Variants in HGF observed in about 807,000 individuals in gnomAD.
HGF encodes the protein hepatocyte growth factor, also known as fibroblast-derived tumor cytotoxic factor.
A neutral mutation model predicts 111.6 loss-of-function variants in HGF; 39 were observed. That is an observed-to-expected ratio of 0.35 (90% CI 0.27 to 0.46). The LOEUF (loss-of-function observed/expected upper bound fraction) is 0.46. HGF is among the 20% of genes least tolerant of loss of function. HGF has a pLI of 1.00. For synonymous variants in HGF, 285 were observed against 294.8 expected, an observed-to-expected ratio of 0.97 and a Z score of 0.34; for missense variants, 735 against 910.5, an observed-to-expected ratio of 0.81 and a Z score of 2.48.
intron 17 of HGF, 129 bp downstream of exon 17, chr7:81,705,261 C>T: frequency 1.2e-6 from 1 of 856,632 alleles, no homozygotes; most frequent in Non-Finnish European, 1.9e-6. Flanking sequence ...AGTTAATTTT[C>T]CCAATTCCTC....
chr7:81,750,407 C>T (rs1373349639), intron 5 of HGF, among the ~76,000 whole-genome samples: 4 of 151,706 alleles, frequency 2.6e-5, no homozygotes, highest in African/African-American at 9.7e-5. Flanking sequence ...TTTGGTGCCG[C>T]GGTGACCAAT....
intron 7 of HGF, chr7:81,736,627 C>G (rs554702681): frequency 7.0e-6 from 3 of 427,350 alleles, no homozygotes; most frequent in South Asian, 3.4e-5. Flanking sequence ...TAGCTGCCAA[C>G]TAGGTAAGGA....
rs561959041 is a variant in HGF, at chr7:81,724,865, T to C, written c.1168+1025A>G. On this transcript the variant is annotated intron_variant, in intron 9 of 17. Transcript: ENST00000222390. The stretch of plus-strand genomic sequence containing the variant: ...TCTCAGCAACCTCACCATCATCTAT[T>C]ATTTTTTGACTTAAAAATCTATTTC... 9.8e-5 allele frequency among the ~76,000 whole-genome samples: 15 copies of C among 152,328 alleles called. No individual in the cohort carries two copies. The East Asian group carries it at 2.9e-3, about 29-fold the overall frequency.
At chr7:81,722,029 C>T (rs898203846) in intron 9 of HGF, among the ~76,000 whole-genome samples, 2 of 152,002 alleles carry the variant, frequency 1.3e-5, no homozygotes, top group African/African-American at 4.8e-5. Flanking sequence ...TTTCCCTTAC[C>T]CCATTCATTT....
At position 81,705,658 on chromosome 7, in the gene HGF, C is replaced by A. The variant is rs771594786; in HGVS notation, c.1853G>T (p.Gly618Val). 1 of 1,607,436 alleles carries A rather than the reference C, an allele frequency of 6.2e-7. No homozygotes were observed. Residue 618 changes from glycine (G) to valine (V), a missense_variant, in exon 16 of 18, where the codon GGC (glycine) becomes GTC (valine). Coordinates refer to ENST00000222390, the MANE Select transcript of HGF (RefSeq NM_000601.6). ...EKTSCSVYGW[G>V]YTGLINYDGL... ...GAAAACTAGCTTACATCCAGTGTAG[C>A]CCCAGCCATAAACACTGCAACTGGT...
intron 9 of HGF, among the ~76,000 whole-genome samples, chr7:81,724,423 C>T (rs1161840518): frequency 1.3e-5 from 2 of 152,222 alleles, no homozygotes; most frequent in East Asian, 3.9e-4. Flanking sequence ...TGATTTAGGG[C>T]TAACCACGAT....
intron 11 of HGF, among the ~76,000 whole-genome samples, chr7:81,715,520 T>A (rs1251744967): frequency 6.6e-6 from 1 of 152,054 alleles, no homozygotes; most frequent in Non-Finnish European, 1.5e-5. Flanking sequence ...ATAAACTTAT[T>A]AGAAATGCCA....
At chr7:81,742,631 T>C in intron 7 of HGF, 1 of 980,236 alleles carries the variant, frequency 1.0e-6, no homozygotes, top group Non-Finnish European at 1.3e-6. Flanking sequence ...ACAGTGAAAA[T>C]GTGTGACTTA....
intron 5 of HGF, among the ~76,000 whole-genome samples, chr7:81,745,870 C>A (rs567875832): frequency 6.6e-6 from 1 of 152,252 alleles, no homozygotes; most frequent in East Asian, 1.9e-4. Context: ...TTCTGGCTGG[C>A]CTCTTATGTC....
intron 8 of HGF, among the ~76,000 whole-genome samples, chr7:81,727,266 A>T (rs1790042594): frequency 6.6e-6 from 1 of 151,554 alleles, no homozygotes; most frequent in Non-Finnish European, 1.5e-5. Context: ...GATGGTCTCA[A>T]TCTCCTGACC....
chr7:81,748,563 G>T (rs776662382), intron 5 of HGF, among the ~76,000 whole-genome samples: 1 of 152,138 alleles, frequency 6.6e-6, no homozygotes, highest in Non-Finnish European at 1.5e-5. Flanking sequence ...AAGGAAACAG[G>T]TGAACATATA....
At chr7:81,757,617 A>T (rs1473530194) in intron 3 of HGF, among the ~76,000 whole-genome samples, 9 of 152,190 alleles carry the variant, frequency 5.9e-5, no homozygotes, top group Non-Finnish European at 1.3e-4. Context: ...TATATAGACC[A>T]TTTTAAGAAA....
chr7:81,714,076 A>AT (rs1789647545), intron 11 of HGF, among the ~76,000 whole-genome samples: 1 of 151,046 alleles, frequency 6.6e-6, no homozygotes, highest in Non-Finnish European at 1.5e-5. Flanking sequence ...CATAAAGAAA[A>AT]CTTTCTCCCA....
intron 7 of HGF, among the ~76,000 whole-genome samples, chr7:81,731,906 C>CT (rs1787670708): frequency 6.6e-6 from 1 of 152,136 alleles, no homozygotes; most frequent in Admixed American, 6.6e-5. Context: ...TCAGTCAGGA[C>CT]TAAGTCCTGA....
chr7:81,707,513 T>G (rs534066181), intron 13 of HGF, 149 bp from the exon 14 acceptor site: 1 of 642,994 alleles, frequency 1.6e-6, no homozygotes, highest in Non-Finnish European at 2.8e-6. Context: ...AATGAGAAGT[T>G]CTTTTATCTG....
At chr7:81,749,885 T>C (rs952244183) in intron 5 of HGF, among the ~76,000 whole-genome samples, 1 of 152,012 alleles carries the variant, frequency 6.6e-6, no homozygotes, top group Admixed American at 6.6e-5. Context: ...ATATATACTG[T>C]TCTATATGTC....
intron 7 of HGF, among the ~76,000 whole-genome samples, chr7:81,742,303 T>C (rs2214825): frequency 0.81 from 123,071 of 152,114 alleles, 50,101 homozygotes; most frequent in Middle Eastern, 0.89. Flanking sequence ...AGTACCATAG[T>C]GTGGATAATA....
rs1035567798 is a variant in HGF, at chr7:81,760,672, T to TGTGC, written c.255-1872_255-1869dup. 8.3e-4 allele frequency among the ~76,000 whole-genome samples: 95 copies of TGTGC among 114,168 alleles called. 2 individuals carry two copies. Among genetic ancestry groups the TGTGC allele is most frequent in the African/African-American group, 3.0e-3 (93 of 30,676 alleles). The allele number at this position is 114,168 out of a possible 152,430, so 74.9% of individuals were successfully genotyped here. ...AATCCCAAATACATATGTGTGTCTA[T>TGTGC]GTGCGTGCGTGTGTGTGTGTGTGTG... is the stretch of plus-strand genomic sequence containing the variant. On this transcript the variant is annotated intron_variant, in intron 2 of 17. Transcript: ENST00000222390.
rs538570220 is a variant in HGF at position 81,699,687 on chromosome 7, T to C, written c.*2894A>G. On this transcript the variant is annotated 3_prime_UTR_variant, in exon 18 of 18. Transcript: ENST00000222390. ...CTTGACAGTGTTCTTTTCAAGAGAA[T>C]GTTGTGGCTATAACATTCACTTTGT... 6.6e-6 allele frequency: 1 copy of C among 151,812 alleles called. No homozygotes were observed. Among genetic ancestry groups the C allele is most frequent in the Admixed American group, 6.6e-5 (1 of 15,184 alleles). The allele number at this position is 151,812 out of a possible 1,614,324, so 9.4% of individuals were successfully genotyped here.
Sources: allele counts gnomAD v4.1 joint callset (sites outside exome capture counted in the v4.1 genomes callset), GRCh38; gene constraint gnomAD v4.1.1; transcripts MANE v1.5; gene names NCBI Gene and HGNC (gene_info 2026-07-23, HGNC 2026-07-21).